The following LRRTM3 variants were observed in gnomAD, a reference collection of about 807,000 sequenced individuals.
The protein encoded by LRRTM3 is leucine-rich repeat transmembrane neuronal protein 3.
LRRTM3 carries 24 observed loss-of-function variants against 44.7 expected under a neutral mutation model. That is an observed-to-expected ratio of 0.54 (90% CI 0.39 to 0.76). LRRTM3 has a LOEUF of 0.76. Ranked by LOEUF, LRRTM3 falls within the 30% of genes least tolerant of loss-of-function variation. The pLI is 0.00. For missense variants in LRRTM3, 587 were observed against 702.2 expected, an observed-to-expected ratio of 0.84 and a Z score of 1.85; for synonymous variants, 277 against 278.7, an observed-to-expected ratio of 0.99 and a Z score of 0.06.
At chr10:67,044,865 A>G (rs1017897325) in intron 2 of LRRTM3, among the ~76,000 whole-genome samples, 23 of 152,194 alleles carry the variant, frequency 1.5e-4, no homozygotes, top group African/African-American at 4.8e-4. Context: ...TTCTAGCTTT[A>G]TGACCTCAGA....
At chr10:67,034,015 G>T (rs980355296) in intron 2 of LRRTM3, among the ~76,000 whole-genome samples, 2 of 152,076 alleles carry the variant, frequency 1.3e-5, no homozygotes, top group African/African-American at 4.8e-5. Context: ...CAAGAGATCC[G>T]CCTGCCTCGG....
At chr10:67,080,595 T>C (rs1856996490) in intron 2 of LRRTM3, among the ~76,000 whole-genome samples, 1 of 152,172 alleles carries the variant, frequency 6.6e-6, no homozygotes, top group South Asian at 2.1e-4. Context: ...ATCTTCATCA[T>C]CTTATAGATG....
intron 2 of LRRTM3, among the ~76,000 whole-genome samples, chr10:67,014,741 T>C (rs886660063): frequency 2.0e-5 from 3 of 151,940 alleles, no homozygotes; most frequent in African/African-American, 4.8e-5. Context: ...TCAGAAAGTT[T>C]CACTTTAAGT....
chr10:67,025,384 T>TA, intron 2 of LRRTM3, among the ~76,000 whole-genome samples: 1 of 151,790 alleles, frequency 6.6e-6, no homozygotes, highest in Admixed American at 6.6e-5. Flanking sequence ...AAAGGCCACA[T>TA]ATCCAACTTT....
intron 2 of LRRTM3, among the ~76,000 whole-genome samples, chr10:67,062,084 T>G (rs1855787887): frequency 6.6e-6 from 1 of 152,156 alleles, no homozygotes; most frequent in South Asian, 2.1e-4. Flanking sequence ...AAGAACTCAC[T>G]AATATGAACC....
intron 2 of LRRTM3, among the ~76,000 whole-genome samples, chr10:66,980,709 T>TC (rs1233271271): frequency 6.6e-6 from 1 of 152,132 alleles, no homozygotes; most frequent in African/African-American, 2.4e-5. Context: ...AACTGAACCC[T>TC]CCAACACTTT....
At position 67,068,231 on chromosome 10, in the gene LRRTM3, T is replaced by G. The variant is rs535084671; in HGVS notation, c.1537-29356T>G. On this transcript the variant is annotated intron_variant, in intron 2 of 2. Coordinates refer to ENST00000361320, the MANE Select transcript of LRRTM3 (RefSeq NM_178011.5). ...AGGTGGATTGGACCTGGGAAGTGAC[T>G]GGATGTGGAAAGAGGAAAGGGAGGG... Among the ~76,000 whole-genome samples the G allele has an allele frequency of 3.3e-5, 5 of 152,158 alleles. No individual in the cohort carries two copies. In the East Asian group the frequency reaches 7.7e-4, roughly 23 times the overall value.
chr10:66,938,575 A>G (rs75667213), intron 2 of LRRTM3, among the ~76,000 whole-genome samples: 1,921 of 152,274 alleles, frequency 0.013, 44 homozygotes, highest in African/African-American at 0.044. Flanking sequence ...TAGAGAAGCG[A>G]TCGGTCTTGC....
chr10:66,976,112 T>C (rs762767424), intron 2 of LRRTM3, among the ~76,000 whole-genome samples: 1 of 152,196 alleles, frequency 6.6e-6, no homozygotes, highest in Non-Finnish European at 1.5e-5. Flanking sequence ...TTTGTATTAA[T>C]GAAACAAACA....
At chr10:67,002,817 T>C (rs1028411152) in intron 2 of LRRTM3, among the ~76,000 whole-genome samples, 3 of 152,326 alleles carry the variant, frequency 2.0e-5, no homozygotes, top group Non-Finnish European at 4.4e-5. Context: ...ATTTAGCATG[T>C]ATTTGATTAT....
At chr10:67,002,931 T>G (rs959696846) in intron 2 of LRRTM3, among the ~76,000 whole-genome samples, 2 of 152,212 alleles carry the variant, frequency 1.3e-5, no homozygotes, top group African/African-American at 4.8e-5. Flanking sequence ...GCTCAAGTTT[T>G]CATTACCTAA....
At chr10:66,990,439 T>C (rs1305427353) in intron 2 of LRRTM3, among the ~76,000 whole-genome samples, 1 of 152,228 alleles carries the variant, frequency 6.6e-6, no homozygotes, top group Non-Finnish European at 1.5e-5. Context: ...ATTTTGCATA[T>C]GGAATTTCTA....
chr10:67,083,556 A>T (rs527485055), intron 2 of LRRTM3, among the ~76,000 whole-genome samples: 5 of 152,284 alleles, frequency 3.3e-5, no homozygotes, highest in African/African-American at 1.2e-4. Flanking sequence ...TTTATTTTTT[A>T]GAATTTGTAC....
chr10:66,952,772 T>C (rs1219889725), intron 2 of LRRTM3, among the ~76,000 whole-genome samples: 4 of 151,990 alleles, frequency 2.6e-5, no homozygotes, highest in Admixed American at 6.6e-5. Flanking sequence ...TTAGTGCTTA[T>C]GTCCTACTAG....
At chr10:67,003,201 G>T (rs1851781584) in intron 2 of LRRTM3, among the ~76,000 whole-genome samples, 1 of 152,084 alleles carries the variant, frequency 6.6e-6, no homozygotes, top group Admixed American at 6.5e-5. Flanking sequence ...AATTATTCAG[G>T]CACAGTGCCT....
At chr10:66,972,521 C>T (rs1849778543) in intron 2 of LRRTM3, among the ~76,000 whole-genome samples, 1 of 151,948 alleles carries the variant, frequency 6.6e-6, no homozygotes. Flanking sequence ...TATTTTTGGT[C>T]CATTTGCTCT....
intron 2 of LRRTM3, among the ~76,000 whole-genome samples, chr10:67,004,925 T>C (rs185109583): frequency 3.9e-5 from 6 of 152,274 alleles, no homozygotes; most frequent in Admixed American, 1.3e-4. Flanking sequence ...AGAACAGATT[T>C]TGTTGTTAGG....
intron 2 of LRRTM3, among the ~76,000 whole-genome samples, chr10:67,024,694 T>A (rs906643934): frequency 1.3e-5 from 2 of 152,206 alleles, no homozygotes; most frequent in African/African-American, 4.8e-5. Context: ...ATTGATCTTG[T>A]TAATGCTCAG....
chr10:67,071,777 A>G (rs753504637), intron 2 of LRRTM3, among the ~76,000 whole-genome samples: 12 of 152,134 alleles, frequency 7.9e-5, no homozygotes, highest in Non-Finnish European at 1.6e-4. Context: ...CACAAATACC[A>G]TTTACACAAT....
Sources: allele counts gnomAD v4.1 joint callset (sites outside exome capture counted in the v4.1 genomes callset), GRCh38; gene constraint gnomAD v4.1.1; transcripts MANE v1.5; gene names NCBI Gene and HGNC (gene_info 2026-07-23, HGNC 2026-07-21).